The following ADK variants were observed in gnomAD, a reference collection of about 807,000 sequenced individuals.
The protein encoded by ADK is adenosine kinase.
A neutral mutation model predicts 44.7 loss-of-function variants in ADK; 24 were observed. The observed-to-expected ratio is 0.54, with a 90% CI of 0.39 to 0.76. The LOEUF (loss-of-function observed/expected upper bound fraction) is 0.76, where lower values mean the gene tolerates loss of function less well. Among genes scored for constraint, ADK ranks in the 30% least tolerant of loss-of-function variants. The pLI is 0.00. For missense variants in ADK, 321 were observed against 425.1 expected, an observed-to-expected ratio of 0.76 and a Z score of 2.15; for synonymous variants, 128 against 142.6, an observed-to-expected ratio of 0.90 and a Z score of 0.73.
intron 7 of ADK, among the ~76,000 whole-genome samples, chr10:74,573,508 G>A (rs1851050034): frequency 6.6e-6 from 1 of 152,218 alleles, no homozygotes; most frequent in Admixed American, 6.5e-5. Context: ...CCATCTGCGT[G>A]CTGGGAGAAC....
At chr10:74,358,385 CTG>C (rs2131933049) in intron 4 of ADK, among the ~76,000 whole-genome samples, 1 of 152,216 alleles carries the variant, frequency 6.6e-6, no homozygotes, top group South Asian at 2.1e-4. Flanking sequence ...TTAATGTTGT[CTG>C]TGTCTAATAC....
intron 6 of ADK, among the ~76,000 whole-genome samples, chr10:74,486,210 C>T (rs1564749037): frequency 6.6e-6 from 1 of 152,060 alleles, no homozygotes; most frequent in Non-Finnish European, 1.5e-5. Flanking sequence ...TTGTCTTTTC[C>T]ACACTTGCAC....
intron 5 of ADK, among the ~76,000 whole-genome samples, chr10:74,395,304 C>G (rs963851620): frequency 1.3e-5 from 2 of 152,080 alleles, no homozygotes; most frequent in African/African-American, 4.8e-5. Context: ...TATTTACCCA[C>G]TTTATTGCTC....
At chr10:74,222,054 T>C (rs559248549) in intron 2 of ADK, among the ~76,000 whole-genome samples, 113 of 152,244 alleles carry the variant, frequency 7.4e-4, no homozygotes, top group African/African-American at 2.7e-3. Context: ...CAAAAGAAAC[T>C]ACCATCAGAG....
intron 1 of ADK, among the ~76,000 whole-genome samples, chr10:74,170,102 AAT>A (rs933398602): frequency 6.6e-6 from 1 of 152,172 alleles, no homozygotes; most frequent in African/African-American, 2.4e-5. Flanking sequence ...TTCTTTAAAT[AAT>A]ATTATTTTAC....
At chr10:74,534,833 C>T (rs1365525803) in intron 7 of ADK, among the ~76,000 whole-genome samples, 1 of 152,198 alleles carries the variant, frequency 6.6e-6, no homozygotes, top group Non-Finnish European at 1.5e-5. Flanking sequence ...AGCTATTGGG[C>T]TGCTCTCTGC....
At chr10:74,314,626 C>A (rs561133949) in intron 3 of ADK, 41 bp from the exon 4 acceptor site, 1 of 1,397,344 alleles carries the variant, frequency 7.2e-7, no homozygotes, top group Admixed American at 1.7e-5. Flanking sequence ...TTGCAACTCA[C>A]AGAAGGTAAC....
At chr10:74,376,272 A>G in intron 4 of ADK, among the ~76,000 whole-genome samples, 1 of 152,132 alleles carries the variant, frequency 6.6e-6, no homozygotes. Flanking sequence ...TCATATTGAT[A>G]TTTTCAAAAT....
intron 3 of ADK, among the ~76,000 whole-genome samples, chr10:74,230,489 T>C (rs1004583036): frequency 1.0e-4 from 15 of 147,876 alleles, no homozygotes; most frequent in Admixed American, 3.4e-4. Flanking sequence ...TTTTTTTTTT[T>C]GAAACAGGGT....
At chr10:74,215,250 A>G (rs1843967135) in intron 2 of ADK, among the ~76,000 whole-genome samples, 1 of 152,260 alleles carries the variant, frequency 6.6e-6, no homozygotes, top group South Asian at 2.1e-4. Context: ...ATTAGAAAAC[A>G]AAACATCCAA....
At chr10:74,414,692 C>T (rs1183938400) in intron 6 of ADK, among the ~76,000 whole-genome samples, 1 of 151,992 alleles carries the variant, frequency 6.6e-6, no homozygotes, top group East Asian at 1.9e-4. Flanking sequence ...GCCTAGGTGA[C>T]AGAGTGAGAC....
At chr10:74,446,196 T>G (rs910104865) in intron 6 of ADK, among the ~76,000 whole-genome samples, 6 of 152,036 alleles carry the variant, frequency 3.9e-5, no homozygotes, top group Admixed American at 3.9e-4. Context: ...TATTTGACCC[T>G]TTTTGTTGGA....
chr10:74,356,164 G>A (rs990113068), intron 4 of ADK, among the ~76,000 whole-genome samples: 30 of 150,080 alleles, frequency 2.0e-4, no homozygotes, highest in Admixed American at 7.3e-4. Flanking sequence ...GACTACAGGC[G>A]CCCGCCACCG....
At chr10:74,650,014 C>T (rs1564836195) in intron 9 of ADK, among the ~76,000 whole-genome samples, 1 of 152,152 alleles carries the variant, frequency 6.6e-6, no homozygotes, top group Non-Finnish European at 1.5e-5. Context: ...ATTGCCATTG[C>T]TATCAGAAAT....
chr10:74,457,898 A>G (rs1846013780), intron 6 of ADK, among the ~76,000 whole-genome samples: 1 of 152,286 alleles, frequency 6.6e-6, no homozygotes, highest in Middle Eastern at 3.4e-3. Flanking sequence ...AGATAGCATT[A>G]GGAGAAATAC....
At chr10:74,652,992 C>T (rs1564837448) in intron 9 of ADK, among the ~76,000 whole-genome samples, 5 of 152,158 alleles carry the variant, frequency 3.3e-5, no homozygotes. Context: ...AGTTTCTGAA[C>T]TGCTTCTACC....
At chr10:74,682,555 G>C (rs1855644905) in intron 10 of ADK, among the ~76,000 whole-genome samples, 1 of 134,232 alleles carries the variant, frequency 7.4e-6, no homozygotes, top group African/African-American at 2.7e-5. Flanking sequence ...TTAAGCTTTA[G>C]TTTTCTTTTC....
chr10:74,371,634 A>G, intron 4 of ADK: 3 of 1,002,352 alleles, frequency 3.0e-6, no homozygotes, highest in South Asian at 1.3e-5. Context: ...TGACTTCCAG[A>G]TGGAACAGTA....
chr10:74,222,827 C>A (rs1272541616), intron 2 of ADK, among the ~76,000 whole-genome samples: 7 of 130,458 alleles, frequency 5.4e-5, no homozygotes, highest in African/African-American at 1.8e-4. Flanking sequence ...CACATGGACA[C>A]AGGAAGGGGA....
Sources: allele counts gnomAD v4.1 joint callset (sites outside exome capture counted in the v4.1 genomes callset), GRCh38; gene constraint gnomAD v4.1.1; transcripts MANE v1.5; gene names NCBI Gene and HGNC (gene_info 2026-07-23, HGNC 2026-07-21).